Variants in ACTR3C observed in about 807,000 individuals in gnomAD.
ACTR3C encodes the protein actin-related protein 3C.
In ACTR3C, 18 loss-of-function variants were observed where a neutral mutation model predicts 26.3. The ratio of observed to expected loss-of-function variants is 0.68; its 90% CI spans 0.47 to 1.01. ACTR3C has a LOEUF of 1.01. ACTR3C is among the 50% of genes least tolerant of loss of function. The pLI is 0.00. For synonymous variants in ACTR3C, 55 were observed against 94.5 expected, an observed-to-expected ratio of 0.58 and a Z score of 2.42; for missense variants, 184 against 250.7, an observed-to-expected ratio of 0.73 and a Z score of 1.80.
chr7:150,306,100 T>A (rs1441939370), intron 1 of ACTR3C, among the ~76,000 whole-genome samples: 2 of 152,254 alleles, frequency 1.3e-5, no homozygotes, highest in African/African-American at 4.8e-5. Context: ...GATATTTTCT[T>A]ATCTTTTTAA....
the ACTR3C span, among the ~76,000 whole-genome samples, chr7:150,034,883 C>G: frequency 5.4e-5 from 8 of 146,892 alleles, 1 homozygote; most frequent in African/African-American, 7.6e-5. Context: ...GGCTCTCAGT[C>G]CCTACCTCGC....
At chr7:150,077,601 C>T in the ACTR3C span, among the ~76,000 whole-genome samples, 1 of 152,144 alleles carries the variant, frequency 6.6e-6, no homozygotes. Context: ...AGCTTACACT[C>T]AGGACAAGTA....
At chr7:150,067,835 A>G in the ACTR3C span, among the ~76,000 whole-genome samples, 4 of 149,868 alleles carry the variant, frequency 2.7e-5, no homozygotes, top group Non-Finnish European at 5.9e-5. Flanking sequence ...GAGGGTGCGG[A>G]CACATTTTAA....
At chr7:150,165,864 T>C in the ACTR3C span, among the ~76,000 whole-genome samples, 1 of 151,512 alleles carries the variant, frequency 6.6e-6, no homozygotes, top group South Asian at 2.1e-4. Flanking sequence ...ACGTGGAGCA[T>C]GTGCAAGGAG....
At chr7:150,071,623 G>A in the ACTR3C span, among the ~76,000 whole-genome samples, 56,701 of 142,052 alleles carry the variant, frequency 0.4, 11,833 homozygotes, top group East Asian at 0.62. Context: ...CCACCGTGCC[G>A]GACTCTCAGA....
chr7:150,134,656 C>T, the ACTR3C span, among the ~76,000 whole-genome samples: 4,368 of 152,170 alleles, frequency 0.029, 34 homozygotes, highest in African/African-American at 0.099. Flanking sequence ...TTCGACGCCA[C>T]CAGAGGGGTC....
At chr7:150,052,862 C>T in the ACTR3C span, among the ~76,000 whole-genome samples, 21 of 104,664 alleles carry the variant, frequency 2.0e-4, 3 homozygotes, top group African/African-American at 6.8e-4. Context: ...CGACTCTTCT[C>T]CTCCCACTTT....
the ACTR3C span, among the ~76,000 whole-genome samples, chr7:149,980,618 C>T: frequency 6.6e-6 from 1 of 152,118 alleles, no homozygotes; most frequent in African/African-American, 2.4e-5. Flanking sequence ...ATTCATTCAA[C>T]CACTCTTCAT....
At chr7:150,088,507 C>G in the ACTR3C span, among the ~76,000 whole-genome samples, 5 of 152,194 alleles carry the variant, frequency 3.3e-5, no homozygotes, top group African/African-American at 7.2e-5. Context: ...AATATATGGA[C>G]TAAACCTGGC....
the ACTR3C span, among the ~76,000 whole-genome samples, chr7:150,023,169 A>C: frequency 3.2e-5 from 3 of 93,098 alleles, no homozygotes; most frequent in South Asian, 3.8e-4. Context: ...ATCTATATAG[A>C]TATATAGATA....
At chr7:150,198,761 G>A in the ACTR3C span, among the ~76,000 whole-genome samples, 1 of 126,142 alleles carries the variant, frequency 7.9e-6, no homozygotes, top group Non-Finnish European at 1.6e-5. Context: ...GTGGGGGGGG[G>A]TCAGCCCCCC....
the ACTR3C span, among the ~76,000 whole-genome samples, chr7:149,888,644 G>A: frequency 6.6e-6 from 1 of 152,140 alleles, no homozygotes; most frequent in Non-Finnish European, 1.5e-5. Flanking sequence ...CTAGTGCCAG[G>A]AACAGGGAAG....
the ACTR3C span, among the ~76,000 whole-genome samples, chr7:150,048,690 G>C: frequency 6.6e-6 from 1 of 152,104 alleles, no homozygotes; most frequent in Non-Finnish European, 1.5e-5. Context: ...CGCGCCCCCA[G>C]CTCTTCTTGC....
intron 1 of ACTR3C, among the ~76,000 whole-genome samples, chr7:150,303,491 A>C (rs1290800689): frequency 2.0e-5 from 3 of 152,238 alleles, no homozygotes; most frequent in Non-Finnish European, 4.4e-5. Flanking sequence ...GCTGCCAAAA[A>C]CATTTCACTG....
At chr7:150,102,641 C>A in the ACTR3C span, among the ~76,000 whole-genome samples, 1 of 152,194 alleles carries the variant, frequency 6.6e-6, no homozygotes, top group Admixed American at 6.5e-5. Flanking sequence ...CTAGACAAGA[C>A]ACTGTCACCT....
At chr7:150,039,068 C>G in the ACTR3C span, among the ~76,000 whole-genome samples, 1 of 145,232 alleles carries the variant, frequency 6.9e-6, no homozygotes, top group Admixed American at 6.8e-5. Context: ...AAGATTTGAA[C>G]TTTCTACTTG....
At chr7:149,932,756 G>A in the ACTR3C span, among the ~76,000 whole-genome samples, 1 of 151,348 alleles carries the variant, frequency 6.6e-6, no homozygotes. Context: ...GGGCGAGACA[G>A]GGCAGGGCAG....
the ACTR3C span, among the ~76,000 whole-genome samples, chr7:149,961,700 C>T: frequency 1.2e-4 from 18 of 150,730 alleles, no homozygotes; most frequent in African/African-American, 4.2e-4. Context: ...TGTAGGCTTA[C>T]AGGAAGTGCA....
At chr7:149,991,000 C>T in the ACTR3C span, among the ~76,000 whole-genome samples, 1 of 152,112 alleles carries the variant, frequency 6.6e-6, no homozygotes, top group South Asian at 2.1e-4. Flanking sequence ...TCTCATGCTG[C>T]TAATAAAGAC....
Sources: allele counts gnomAD v4.1 joint callset (sites outside exome capture counted in the v4.1 genomes callset), GRCh38; gene constraint gnomAD v4.1.1; transcripts MANE v1.5; gene names NCBI Gene and HGNC (gene_info 2026-07-23, HGNC 2026-07-21).